The following KCNJ6 variants were observed in gnomAD, a reference collection of about 807,000 sequenced individuals.
KCNJ6 encodes the protein potassium inwardly rectifying channel subfamily J member 6, also known as G protein-activated inward rectifier potassium channel 2.
Under a neutral mutation model 34.2 loss-of-function variants are expected in KCNJ6, and 9 were observed. The ratio of observed to expected loss-of-function variants is 0.26; its 90% CI spans 0.16 to 0.46. The LOEUF (loss-of-function observed/expected upper bound fraction) is 0.46, where lower values mean the gene tolerates loss of function less well. Ranked by LOEUF, KCNJ6 falls within the 20% of genes least tolerant of loss-of-function variation. The pLI is 1.00. For synonymous variants in KCNJ6, 196 were observed against 207.1 expected (o/e 0.95, Z 0.46); for missense variants, 236 against 531.3 (o/e 0.44, Z 5.46).
intron 3 of KCNJ6, among the ~76,000 whole-genome samples, chr21:37,712,644 T>C (rs1455560612): frequency 0.03 from 1,460 of 48,202 alleles, 322 homozygotes; most frequent in Non-Finnish European, 0.044. Context: ...CCTCCTCCCC[T>C]TCTCCTCCTC....
rs1178117658 is a variant in KCNJ6 at position 37,620,439 on chromosome 21, A to G, written c.*4720T>C. On this transcript the variant is annotated 3_prime_UTR_variant, in exon 4 of 4. Coordinates refer to ENST00000609713, the MANE Select transcript of KCNJ6 (RefSeq NM_002240.5). ...AATTTGAATTTAGGATGATTTTCAC[A>G]TGTCTCAAAATATTCTTCTTTTCTT... 2 of 152,218 alleles carry G rather than the reference A, an allele frequency of 1.3e-5. No homozygotes were observed. Among genetic ancestry groups the G allele is most frequent in the East Asian group, 1.9e-4 (1 of 5,206 alleles). The allele number at this position is 152,218 out of a possible 1,614,324, so 9.4% of individuals were successfully genotyped here.
chr21:37,853,846 G>GTGTATATATATATATATATATATATA (rs71198897), intron 1 of KCNJ6, among the ~76,000 whole-genome samples: 2,197 of 115,648 alleles, frequency 0.019, 88 homozygotes, highest in African/African-American at 0.046. Flanking sequence ...ATATATATAT[G>GTGTATATATATATATATATATATATA]TATATATATA....
At chr21:37,801,064 T>C (rs557492275) in intron 2 of KCNJ6, among the ~76,000 whole-genome samples, 239 of 152,294 alleles carry the variant, frequency 1.6e-3, no homozygotes, top group African/African-American at 5.6e-3. Context: ...AGGACAACTT[T>C]GACCGAACAT....
At chr21:37,850,299 AG>A (rs1271077936) in intron 1 of KCNJ6, among the ~76,000 whole-genome samples, 3 of 152,108 alleles carry the variant, frequency 2.0e-5, no homozygotes, top group Non-Finnish European at 2.9e-5. Context: ...TACTTAGAAC[AG>A]GGGTCCCCAA....
chr21:37,710,101 A>C (rs2054743527), intron 3 of KCNJ6, among the ~76,000 whole-genome samples: 1 of 152,212 alleles, frequency 6.6e-6, no homozygotes, highest in Non-Finnish European at 1.5e-5. Flanking sequence ...ATAGATTAAG[A>C]GGCTTACAAG....
At chr21:37,678,366 A>G (rs1334755740) in intron 3 of KCNJ6, among the ~76,000 whole-genome samples, 1 of 152,258 alleles carries the variant, frequency 6.6e-6, no homozygotes, top group African/African-American at 2.4e-5. Context: ...GGAGTTATCC[A>G]TGAATGTTAT....
At chr21:37,890,325 C>T (rs2055756095) in intron 1 of KCNJ6, among the ~76,000 whole-genome samples, 1 of 152,140 alleles carries the variant, frequency 6.6e-6, no homozygotes, top group Admixed American at 6.5e-5. Context: ...GTAACTGCCC[C>T]CATGATTCAA....
intron 2 of KCNJ6, among the ~76,000 whole-genome samples, chr21:37,730,680 G>A (rs1601442532): frequency 6.6e-6 from 1 of 152,350 alleles, no homozygotes; most frequent in Non-Finnish European, 1.5e-5. Flanking sequence ...CTAAGAGCCT[G>A]CTTGGTAACA....
intron 1 of KCNJ6, among the ~76,000 whole-genome samples, chr21:37,887,225 G>A (rs118160222): frequency 0.014 from 2,176 of 152,184 alleles, 16 homozygotes; most frequent in Non-Finnish European, 0.023. Flanking sequence ...AAAGAACCAC[G>A]GTAGGGCTGC....
chr21:37,692,264 C>A (rs2054643468), intron 3 of KCNJ6, among the ~76,000 whole-genome samples: 1 of 152,052 alleles, frequency 6.6e-6, no homozygotes, highest in Non-Finnish European at 1.5e-5. Flanking sequence ...CAGACAAATT[C>A]CCATTTAATA....
intron 2 of KCNJ6, among the ~76,000 whole-genome samples, chr21:37,723,949 AAAGC>A (rs1293444403): frequency 6.6e-6 from 1 of 152,104 alleles, no homozygotes; most frequent in African/African-American, 2.4e-5. Flanking sequence ...AAAAAAAAGA[AAAGC>A]AAGAACAGCA....
At chr21:37,694,163 C>T (rs1012924490) in intron 3 of KCNJ6, among the ~76,000 whole-genome samples, 1 of 152,310 alleles carries the variant, frequency 6.6e-6, no homozygotes, top group African/African-American at 2.4e-5. Context: ...CACACTGCAG[C>T]CTCAGATACC....
intron 1 of KCNJ6, among the ~76,000 whole-genome samples, chr21:37,883,143 C>G (rs998222677): frequency 2.0e-5 from 3 of 152,190 alleles, no homozygotes; most frequent in African/African-American, 7.2e-5. Context: ...AGTTGGGTAA[C>G]CTGGGAGTTG....
intron 3 of KCNJ6, among the ~76,000 whole-genome samples, chr21:37,676,826 A>G (rs954363606): frequency 6.6e-6 from 1 of 152,234 alleles, no homozygotes; most frequent in African/African-American, 2.4e-5. Flanking sequence ...ACAGAGAGTG[A>G]CCTGGCTCCA....
At chr21:37,641,695 G>T (rs1051203168) in intron 3 of KCNJ6, among the ~76,000 whole-genome samples, 1 of 57,478 alleles carries the variant, frequency 1.7e-5, no homozygotes, top group Non-Finnish European at 3.3e-5. Context: ...GTAGACGAGT[G>T]TGTTTGGGGG....
chr21:37,754,723 G>A (rs2055015109), intron 2 of KCNJ6, among the ~76,000 whole-genome samples: 1 of 152,166 alleles, frequency 6.6e-6, no homozygotes, highest in Non-Finnish European at 1.5e-5. Flanking sequence ...TGTTGGGTGA[G>A]GTGTCCTGGC....
intron 2 of KCNJ6, among the ~76,000 whole-genome samples, chr21:37,721,247 A>T (rs1173574841): frequency 6.6e-6 from 1 of 152,216 alleles, no homozygotes; most frequent in Non-Finnish European, 1.5e-5. Context: ...CATCTATTAG[A>T]TGGTTATTAT....
rs59026391 is a variant in KCNJ6, at chr21:37,661,614, GTTTT to G, written c.947-36134_947-36131del. Among the ~76,000 whole-genome samples the G allele has an allele frequency of 3.1e-4, 22 of 71,196 alleles. 1 individual carries two copies. Among genetic ancestry groups the G allele is most frequent in the African/African-American group, 7.5e-4 (14 of 18,702 alleles). 46.7% of individuals were successfully genotyped at this position (71,196 alleles called of 152,430 possible). On this transcript the variant is annotated intron_variant, in intron 3 of 3. Coordinates refer to ENST00000609713, the MANE Select transcript of KCNJ6 (RefSeq NM_002240.5). The stretch of plus-strand genomic sequence containing the variant: ...TCCACCCATTTCCTTAAGAGACATA[GTTTT>G]TTTTTTTTTTTTTTTTTTTTTTGAG...
intron 2 of KCNJ6, among the ~76,000 whole-genome samples, chr21:37,720,864 C>T (rs926722618): frequency 5.3e-5 from 8 of 151,424 alleles, no homozygotes; most frequent in African/African-American, 1.2e-4. Flanking sequence ...CCCGCCACCG[C>T]GCCCGGCTAA....
Sources: gnomAD v4.1 joint callset for allele counts (sites outside exome capture counted in the v4.1 genomes callset) on GRCh38, gnomAD v4.1.1 for gene constraint, MANE v1.5 for transcripts, NCBI Gene and HGNC (gene_info 2026-07-23, HGNC 2026-07-21) for gene names.